Variants in KIAA1217 observed in about 807,000 individuals in gnomAD.
KIAA1217 encodes KIAA1217, also known as sickle tail protein homolog.
In KIAA1217, 88 loss-of-function variants were observed where a neutral mutation model predicts 163.9. That is an observed-to-expected ratio of 0.54 (90% CI 0.45 to 0.64). The LOEUF (loss-of-function observed/expected upper bound fraction) is 0.64, where lower values mean the gene tolerates loss of function less well. KIAA1217 is among the 30% of genes least tolerant of loss of function. The pLI, the probability that KIAA1217 is intolerant of heterozygous loss-of-function variation, is 0.00. For missense variants in KIAA1217, 2,372 were observed against 2,475.0 expected (o/e 0.96, Z 0.88); for synonymous variants, 903 against 923.1 (o/e 0.98, Z 0.39).
chr10:24,336,038 C>T (rs1242244471), intron 2 of KIAA1217, among the ~76,000 whole-genome samples: 9 of 152,180 alleles, frequency 5.9e-5, no homozygotes, highest in African/African-American at 1.4e-4. Context: ...GTCAGGTGTT[C>T]GAGACCAGCC....
At chr10:24,224,399 G>A (rs1035280791) in intron 2 of KIAA1217, among the ~76,000 whole-genome samples, 1 of 151,968 alleles carries the variant, frequency 6.6e-6, no homozygotes, top group Non-Finnish European at 1.5e-5. Flanking sequence ...GAGTGCAGTG[G>A]TGCAATCTTG....
chr10:23,769,959 T>C (rs1020006720), intron 1 of KIAA1217, among the ~76,000 whole-genome samples: 3 of 152,360 alleles, frequency 2.0e-5, no homozygotes, highest in Admixed American at 6.5e-5. Context: ...CTCAGTTCCC[T>C]TTTAACTCAT....
intron 5 of KIAA1217, among the ~76,000 whole-genome samples, chr10:24,446,228 G>A (rs1326527675): frequency 6.6e-6 from 1 of 151,978 alleles, no homozygotes; most frequent in African/African-American, 2.4e-5. Context: ...TGATGGGGTT[G>A]TTTGTTTTTT....
At chr10:24,114,730 T>C (rs1316903144) in intron 2 of KIAA1217, among the ~76,000 whole-genome samples, 1 of 152,188 alleles carries the variant, frequency 6.6e-6, no homozygotes, top group East Asian at 1.9e-4. Flanking sequence ...CACAAATCAG[T>C]TCACACACAT....
chr10:24,245,925 A>G (rs1228885374), intron 2 of KIAA1217, among the ~76,000 whole-genome samples: 1 of 152,070 alleles, frequency 6.6e-6, no homozygotes, highest in Non-Finnish European at 1.5e-5. Context: ...GGTGTCAACC[A>G]CTGCACCTGG....
At chr10:24,420,638 C>A (rs528689969) in intron 3 of KIAA1217, among the ~76,000 whole-genome samples, 2 of 152,208 alleles carry the variant, frequency 1.3e-5, no homozygotes, top group South Asian at 4.1e-4. Flanking sequence ...TTTGTTTATG[C>A]GAAGTTTTAG....
At chr10:24,226,838 C>T (rs1471155073) in intron 2 of KIAA1217, among the ~76,000 whole-genome samples, 1 of 152,102 alleles carries the variant, frequency 6.6e-6, no homozygotes, top group Admixed American at 6.5e-5. Context: ...TGTGTAACTG[C>T]ACAGTTTGGA....
chr10:24,135,783 T>C (rs1363028313), intron 2 of KIAA1217, among the ~76,000 whole-genome samples: 7 of 152,110 alleles, frequency 4.6e-5, no homozygotes, highest in Admixed American at 4.6e-4. Flanking sequence ...CTTTCTGAGT[T>C]GTGGTTTCTC....
upstream of KIAA1217, among the ~76,000 whole-genome samples, chr10:24,206,404 T>G (rs1170834261): frequency 6.6e-6 from 1 of 152,034 alleles, no homozygotes; most frequent in Non-Finnish European, 1.5e-5. Flanking sequence ...ACAATAAGAG[T>G]ATTTTCATGA....
intron 3 of KIAA1217, among the ~76,000 whole-genome samples, chr10:24,406,804 T>C (rs1353084783): frequency 6.6e-6 from 1 of 152,192 alleles, no homozygotes; most frequent in African/African-American, 2.4e-5. Context: ...GATTTCAGCA[T>C]TGGCAGGAAG....
intron 9 of KIAA1217, among the ~76,000 whole-genome samples, chr10:24,507,315 G>A (rs187211780): frequency 2.2e-4 from 34 of 152,228 alleles, no homozygotes; most frequent in South Asian, 4.2e-4. Flanking sequence ...TGACAAATGT[G>A]ACCTATAACA....
chr10:24,237,323 T>C (rs575897198), intron 2 of KIAA1217, among the ~76,000 whole-genome samples: 1 of 152,370 alleles, frequency 6.6e-6, no homozygotes, highest in African/African-American at 2.4e-5. Flanking sequence ...CTCTCTGTCT[T>C]GATCATAATA....
intron 2 of KIAA1217, among the ~76,000 whole-genome samples, chr10:24,104,317 G>C (rs546106806): frequency 5.1e-4 from 77 of 152,224 alleles, no homozygotes; most frequent in African/African-American, 1.8e-3. Flanking sequence ...TCCAGACAAT[G>C]AACCATCACT....
chr10:24,321,084 C>G (rs2044088965), intron 2 of KIAA1217, among the ~76,000 whole-genome samples: 1 of 151,622 alleles, frequency 6.6e-6, no homozygotes, highest in Non-Finnish European at 1.5e-5. Flanking sequence ...AGAAAGGGGA[C>G]AGCTGCCATG....
At chr10:24,380,202 C>G (rs141122033) in intron 2 of KIAA1217, among the ~76,000 whole-genome samples, 28 of 152,244 alleles carry the variant, frequency 1.8e-4, no homozygotes, top group African/African-American at 6.7e-4. Context: ...GAAGAGTATA[C>G]AGTCCCATCT....
At chr10:24,205,244 G>C (rs2067480376), upstream of KIAA1217, among the ~76,000 whole-genome samples, 1 of 143,658 alleles carries the variant, frequency 7.0e-6, no homozygotes, top group Non-Finnish European at 1.5e-5. Context: ...ATTACCTGCG[G>C]TCAGGAGTTC....
chr10:23,773,292 TG>T (rs1327593080), intron 1 of KIAA1217, among the ~76,000 whole-genome samples: 2 of 152,074 alleles, frequency 1.3e-5, no homozygotes, highest in Non-Finnish European at 2.9e-5. Context: ...GCGTTATTTC[TG>T]AGGGCTCTGT....
At chr10:23,806,494 C>T (rs753845607) in intron 1 of KIAA1217, among the ~76,000 whole-genome samples, 10 of 152,130 alleles carry the variant, frequency 6.6e-5, no homozygotes, top group Non-Finnish European at 1.2e-4. Flanking sequence ...TGATGGTCTT[C>T]CATTTTTACA....
intron 1 of KIAA1217, among the ~76,000 whole-genome samples, chr10:23,942,305 G>C (rs1033941820): frequency 6.6e-6 from 1 of 152,100 alleles, no homozygotes; most frequent in Non-Finnish European, 1.5e-5. Flanking sequence ...TAATGGAAAA[G>C]GTGGTAATAA....
Sources: gnomAD v4.1 joint callset for allele counts (sites outside exome capture counted in the v4.1 genomes callset) on GRCh38, gnomAD v4.1.1 for gene constraint, MANE v1.5 for transcripts, NCBI Gene and HGNC (gene_info 2026-07-23, HGNC 2026-07-21) for gene names.